NLRP2: variants seen among roughly 807,000 people sequenced by gnomAD.
NLRP2 encodes NLR family pyrin domain containing 2, also known as NACHT, LRR and PYD domains-containing protein 2.
NLRP2 carries 107 observed loss-of-function variants against 97.2 expected under a neutral mutation model. The ratio of observed to expected loss-of-function variants is 1.10; its 90% CI spans 0.94 to 1.29. The LOEUF is 1.29. NLRP2 is among the 50% of genes most tolerant of loss of function. NLRP2 has a pLI of 0.00. For missense variants in NLRP2, 1,495 were observed against 1,330.3 expected, an observed-to-expected ratio of 1.12 and a Z score of -1.93; for synonymous variants, 663 against 551.5, an observed-to-expected ratio of 1.20 and a Z score of -2.83.
rs111355961 is a variant in NLRP2, at chr19:54,984,683, A to G, written c.2031-364A>G. Reference sequence around the variant, plus strand: ...CTTTTAGTAGAGACGGGGTTTCACCATGTTGGCCAGGCAGGTCTCGAACTC... The same window carrying G: ...CTTTTAGTAGAGACGGGGTTTCACCGTGTTGGCCAGGCAGGTCTCGAACTC... On this transcript the variant is annotated intron_variant, in intron 6 of 12. Transcript: ENST00000448584. Among the ~76,000 whole-genome samples, 723 of 151,306 alleles carry G rather than the reference A, an allele frequency of 4.8e-3. 4 individuals are homozygous for G. The highest frequency in any genetic ancestry group is 0.017 in the Middle Eastern group (5 of 292).
rs1311728890 is a variant in NLRP2, at chr19:54,977,751, G to C, written c.326-1G>C. ...CCTGTAATGCCGCCCTTTTTCTCCA[G>C]GGATAACACGGAAAGAACGACCACC... On this transcript the variant is annotated splice_acceptor_variant, in intron 3 of 12. Coordinates refer to ENST00000448584, the MANE Select transcript of NLRP2 (RefSeq NM_017852.5). LOFTEE classifies it high-confidence loss of function. The C allele has an allele frequency of 3.7e-6, 6 of 1,613,628 alleles. No individual in the cohort carries two copies. The highest frequency in any genetic ancestry group is 5.1e-6 in the Non-Finnish European group (6 of 1,180,004).
At chr19:54,990,860 A>G (rs2072430618) in intron 10 of NLRP2, 188 bp downstream of exon 10, 4 of 651,230 alleles carry the variant, frequency 6.1e-6, no homozygotes, top group Non-Finnish European at 8.3e-6. Context: ...GAGTAGTAGT[A>G]ATATTCTATA....
At chr19:54,984,483 A>ATTTTTTTTTTTTTTTTTTTTTTTTT (rs1568505832) in intron 6 of NLRP2, among the ~76,000 whole-genome samples, 1 of 46,190 alleles carries the variant, frequency 2.2e-5, no homozygotes, top group African/African-American at 1.9e-4. Flanking sequence ...TATATTCCCA[A>ATTTTTTTTTTTTTTTTTTTTTTTTT]TCTTTTTTTT....
chr19:54,982,894 C>A lies in NLRP2; in HGVS notation c.1196C>A (p.Ala399Glu), dbSNP rs142821233. 1.2e-6 allele frequency: 2 copies of A among 1,613,086 alleles called. No individual in the cohort carries two copies. Among genetic ancestry groups the A allele is most frequent in the South Asian group, 2.2e-5 (2 of 91,038 alleles). Residue 399 changes from alanine (A) to glutamate (E), a missense_variant, in exon 6 of 13, where the codon GCG becomes GAG. Transcript: ENST00000448584. Reference protein sequence around the residue: ...AALFQLGSAPAVCWIVCTTLK... With the variant: ...AALFQLGSAPEVCWIVCTTLK... ...CTGTTCCAGCTGGGCTCGGCCCCCG[C>A]GGTGTGCTGGATCGTGTGCACGACT...
At chr19:54,971,802 C>T (rs1394744644) in intron 2 of NLRP2, among the ~76,000 whole-genome samples, 4 of 151,910 alleles carry the variant, frequency 2.6e-5, no homozygotes, top group Non-Finnish European at 5.9e-5. Context: ...TTAAAAATAA[C>T]AATACAATAA....
At chr19:54,967,153 C>T (rs1393926775) in intron 1 of NLRP2, among the ~76,000 whole-genome samples, 1 of 152,036 alleles carries the variant, frequency 6.6e-6, no homozygotes, top group African/African-American at 2.4e-5. Flanking sequence ...AGGCAGGTGC[C>T]ACCGCGCCCG....
At chr19:54,990,901 T>A in intron 10 of NLRP2, 1 of 452,594 alleles carries the variant, frequency 2.2e-6, no homozygotes, top group Non-Finnish European at 3.9e-6. Flanking sequence ...GGTTTTCGGG[T>A]TTTTTTTTTC....
rs2146431445 is a variant in NLRP2 at position 54,982,628 on chromosome 19, G to C, written c.930G>C (p.Lys310Asn). 1 of 1,614,188 alleles carries C rather than the reference G, an allele frequency of 6.2e-7. No individual in the cohort carries two copies. Among genetic ancestry groups the C allele is most frequent in the East Asian group, 2.2e-5 (1 of 44,874 alleles). ...LIEDICGDWE[K>N]KKPVPVLLGS... ...AGGACATCTGCGGGGACTGGGAGAA[G>C]AAGAAGCCGGTGCCCGTCCTCCTGG... Residue 310 changes from lysine to asparagine, a missense_variant, in exon 6 of 13, where the codon AAG (lysine) becomes AAC (asparagine). Lys to Asn is a moderately conservative substitution (Grantham distance 94). Coordinates refer to ENST00000448584, the MANE Select transcript of NLRP2 (RefSeq NM_017852.5).
chr19:54,992,341 A>T lies in NLRP2; in HGVS notation c.2708+1669A>T, dbSNP rs560862225. Among the ~76,000 whole-genome samples the T allele has an allele frequency of 5.3e-5, 8 of 152,032 alleles. No individual in the cohort carries two copies. In the South Asian group the frequency reaches 1.5e-3, roughly 28 times the overall value. On this transcript the variant is annotated intron_variant, in intron 10 of 12. Coordinates refer to ENST00000448584, the MANE Select transcript of NLRP2 (RefSeq NM_017852.5). The stretch of plus-strand genomic sequence containing the variant: ...AAACTACCCACTTAAATTTAATGAC[A>T]TATTCAGTTCATGGCTGGAGACGAT...
chr19:54,986,966 C>A (rs1249446403), intron 8 of NLRP2, among the ~76,000 whole-genome samples: 1 of 151,992 alleles, frequency 6.6e-6, no homozygotes, highest in East Asian at 1.9e-4. Context: ...GTCACTGCAG[C>A]CTCCACCTCC....
intron 3 of NLRP2, chr19:54,976,748 C>A: frequency 2.3e-6 from 1 of 427,972 alleles, no homozygotes; most frequent in Admixed American, 2.8e-5. Context: ...TCCATGGACT[C>A]ACCTCTTCAT....
rs368935419 is a variant in NLRP2, at chr19:54,994,293, C to T, written c.2733C>T (p.Ser911=). 6.2e-5 allele frequency: 100 copies of T among 1,613,962 alleles called. No homozygotes were observed. The highest frequency in any genetic ancestry group is 8.0e-5 in the Non-Finnish European group (94 of 1,180,010). The change falls in exon 11 of 13, where the codon AGC becomes AGT. Residue 911 remains serine (S), a synonymous_variant. Transcript: ENST00000448584. ...TLVLWNCDIT[S]DGCCDLTKLL... ...GGCTTTGGAACTGCGACATAACTAG[C>T]GATGGCTGCTGCGATCTCACAAAGC...
Position 54,982,803 on chromosome 19 carries a change from C to G in NLRP2, c.1105C>G (p.Leu369Val). 1 of 1,613,970 alleles carries G rather than the reference C, an allele frequency of 6.2e-7. No individual in the cohort carries two copies. The highest frequency in any genetic ancestry group is 1.3e-5 in the African/African-American group (1 of 75,048). ...FLEEDRRAYF[L>V]RHFGDEDQAM... ...GGAGGAGGACAGGAGGGCCTATTTC[C>G]TGAGACACTTTGGAGACGAGGACCA... Residue 369 changes from leucine to valine, a missense_variant, in exon 6 of 13, where the codon CTG becomes GTG. Transcript: ENST00000448584.
rs1568505351 is a variant in NLRP2, at chr19:54,984,333, T to TTTTA, written c.2030+608_2030+609insATTT. On this transcript the variant is annotated intron_variant, in intron 6 of 12. Coordinates refer to ENST00000448584, the MANE Select transcript of NLRP2 (RefSeq NM_017852.5). ...TAAGTGGGGGTTTTTTTTTGTGTTT[T>TTTTA]TTTTTTTTTTTTTTTTTTTGGAAAG... 6.9e-5 allele frequency among the ~76,000 whole-genome samples: 7 copies of TTTTA among 101,676 alleles called. No homozygotes were observed. The East Asian group carries it at 1.1e-3, about 15-fold the overall frequency. The allele number at this position is 101,676 out of a possible 152,430, so 66.7% of individuals were successfully genotyped here.
rs770435803 is a variant in NLRP2 at position 54,986,363 on chromosome 19, C to G, written c.2366+48C>G. On this transcript the variant is annotated intron_variant, in intron 8 of 12. Coordinates refer to ENST00000448584, the MANE Select transcript of NLRP2 (RefSeq NM_017852.5). ...TCCTTCATCATACAAACATAAGCTA[C>G]CACAAGCTTATGTGGCAATTTTGTG... 2.0e-6 allele frequency: 3 copies of G among 1,535,910 alleles called. No homozygotes were observed. In the African/African-American group the frequency reaches 4.1e-5, roughly 21 times the overall value.
At chr19:54,987,034 A>G (rs768555025) in intron 8 of NLRP2, among the ~76,000 whole-genome samples, 1 of 150,918 alleles carries the variant, frequency 6.6e-6, no homozygotes, top group Non-Finnish European at 1.5e-5. Context: ...ACAGGTGCAC[A>G]CCACCACACC....
intron 4 of NLRP2, 92 bp from the exon 5 acceptor site, chr19:54,981,525 G>GCCCCCCCC: frequency 3.5e-6 from 1 of 289,314 alleles, no homozygotes. Flanking sequence ...CCTCCCCCCC[G>GCCCCCCCC]CCCCATCAGC....
At chr19:54,992,556 CTTTTTTTT>C (rs71181721) in intron 10 of NLRP2, among the ~76,000 whole-genome samples, 1 of 82,520 alleles carries the variant, frequency 1.2e-5, no homozygotes, top group Non-Finnish European at 2.1e-5. Context: ...GGGGGGTTTT[CTTTTTTTT>C]TTTTTTTTGG....
chr19:54,970,285 T>G lies in NLRP2; in HGVS notation c.270T>G (p.Asp90Glu). The G allele has an allele frequency of 6.2e-7, 1 of 1,614,086 alleles. No homozygotes were observed. Residue 90 changes from aspartate (D) to glutamate (E), a missense_variant, in exon 2 of 13, where the codon GAT becomes GAG. Transcript: ENST00000448584. ...HRMDLSERAK[D>E]EVREAALKSF... ...TGGATCTGTCTGAGAGAGCAAAGGA[T>G]GAAGTCAGAGGTGAGTGGAAATCGG...
Sources: allele counts gnomAD v4.1 joint callset (sites outside exome capture counted in the v4.1 genomes callset), GRCh38; gene constraint gnomAD v4.1.1; transcripts MANE v1.5; gene names NCBI Gene and HGNC (gene_info 2026-07-23, HGNC 2026-07-21).